Variants in SESTD1 observed in about 807,000 individuals in gnomAD.
SESTD1 encodes SEC14 and spectrin domain containing 1.
SESTD1 carries 43 observed loss-of-function variants against 101.7 expected under a neutral mutation model. The ratio of observed to expected loss-of-function variants is 0.42; its 90% CI spans 0.33 to 0.55. The LOEUF (loss-of-function observed/expected upper bound fraction) is 0.55, where lower values mean the gene tolerates loss of function less well. Ranked by LOEUF, SESTD1 falls within the 20% of genes least tolerant of loss-of-function variation. SESTD1 has a pLI of 0.07. For synonymous variants in SESTD1, 283 were observed against 286.8 expected (o/e 0.99, Z 0.13); for missense variants, 647 against 815.1 (o/e 0.79, Z 2.51).
rs527401956 is a variant in SESTD1, at chr2:179,112,411, C to T, written c.1961+313G>A. On this transcript the variant is annotated intron_variant, in intron 17 of 17. Transcript: ENST00000428443. ...AACATCAATCCCTTGTCCCCTCTTC[C>T]TTTTCCTGAATGAAGCCCCAAGTCA... Among the ~76,000 whole-genome samples the T allele has an allele frequency of 5.9e-5, 9 of 152,290 alleles. No homozygotes were observed. The East Asian group carries it at 1.7e-3, about 30-fold the overall frequency.
At chr2:179,252,384 T>G (rs998056411) in intron 1 of SESTD1, among the ~76,000 whole-genome samples, 3 of 152,236 alleles carry the variant, frequency 2.0e-5, no homozygotes, top group African/African-American at 7.2e-5. Flanking sequence ...ATCTGTGGTA[T>G]TGAGCTTTCA....
chr2:179,115,030 C>T (rs375869406), intron 16 of SESTD1, 35 bp downstream of exon 16: 1 of 1,569,968 alleles, frequency 6.4e-7, no homozygotes, highest in Non-Finnish European at 8.7e-7. Context: ...ATAATCAATA[C>T]CACTGAGAAT....
intron 1 of SESTD1, among the ~76,000 whole-genome samples, chr2:179,213,313 T>C (rs1183132387): frequency 7.4e-6 from 1 of 134,752 alleles, no homozygotes; most frequent in East Asian, 2.0e-4. Flanking sequence ...AGTGACCTGA[T>C]GGAGCTGAAA....
At chr2:179,143,988 A>G (rs1292862712) in intron 8 of SESTD1, among the ~76,000 whole-genome samples, 185 bp from the exon 9 acceptor site, 1 of 152,030 alleles carries the variant, frequency 6.6e-6, no homozygotes, top group Non-Finnish European at 1.5e-5. Flanking sequence ...TAATATATAT[A>G]TGTGTGTATG....
Position 179,234,552 on chromosome 2 carries a change from T to A in SESTD1, c.-26+29947A>T, listed in dbSNP as rs986239316. On this transcript the variant is annotated intron_variant, in intron 1 of 17. Coordinates refer to ENST00000428443, the MANE Select transcript of SESTD1 (RefSeq NM_178123.5). ...CAGCACTTTGTGGGGCTGAGGCGGGTAGATCACTTGGGGTCAGGAGTTTGA... is the reference window on the plus strand; with the variant it reads ...CAGCACTTTGTGGGGCTGAGGCGGGAAGATCACTTGGGGTCAGGAGTTTGA... Among the ~76,000 whole-genome samples, 3 of 151,964 alleles carry A rather than the reference T, an allele frequency of 2.0e-5. No homozygotes were observed. The East Asian group carries it at 5.8e-4, about 29-fold the overall frequency.
chr2:179,146,312 C>G, intron 8 of SESTD1, 90 bp downstream of exon 8: 1 of 1,225,380 alleles, frequency 8.2e-7, no homozygotes, highest in Non-Finnish European at 1.2e-6. Flanking sequence ...CCACATGTAC[C>G]ACATTCATGC....
At chr2:179,196,082 C>G (rs955809371) in intron 1 of SESTD1, among the ~76,000 whole-genome samples, 1 of 152,144 alleles carries the variant, frequency 6.6e-6, no homozygotes, top group Non-Finnish European at 1.5e-5. Context: ...ACAGTGGGCG[C>G]AGGTCAGTGG....
chr2:179,183,232 G>A (rs1267045246), intron 2 of SESTD1, 44 bp from the exon 3 acceptor site: 8 of 1,217,554 alleles, frequency 6.6e-6, no homozygotes, highest in Non-Finnish European at 9.5e-6. Flanking sequence ...TACATATTAA[G>A]GCATAATCTG....
intron 1 of SESTD1, among the ~76,000 whole-genome samples, chr2:179,217,886 A>G (rs1386191454): frequency 6.6e-6 from 1 of 152,156 alleles, no homozygotes; most frequent in Non-Finnish European, 1.5e-5. Flanking sequence ...AAGGACAGAA[A>G]ACCAAACACC....
chr2:179,109,827 GGTGGCTAATGCTGTAGTAT>G lies in SESTD1; in HGVS notation c.*53_*71del, dbSNP rs2044466745. The G allele has an allele frequency of 9.1e-6, 14 of 1,546,610 alleles. No individual in the cohort carries two copies. The highest frequency in any genetic ancestry group is 1.1e-5 in the Non-Finnish European group (13 of 1,142,066). On this transcript the variant is annotated 3_prime_UTR_variant, in exon 18 of 18. Coordinates refer to ENST00000428443, the MANE Select transcript of SESTD1 (RefSeq NM_178123.5). ...GGCTGTGAAATGCATCTTAAGGTGT[GGTGGCTAATGCTGTAGTAT>G]GTTGACAACATGCGGGATTATGAAC...
chr2:179,135,012 A>G (rs2045107264), intron 9 of SESTD1, among the ~76,000 whole-genome samples: 2 of 152,054 alleles, frequency 1.3e-5, no homozygotes, highest in Non-Finnish European at 2.9e-5. Flanking sequence ...TGGCATGATC[A>G]TGGCTCACTG....
At chr2:179,141,644 C>T (rs115420537) in intron 9 of SESTD1, among the ~76,000 whole-genome samples, 6,255 of 151,816 alleles carry the variant, frequency 0.041, 155 homozygotes, top group Middle Eastern at 0.099. Flanking sequence ...ATTGTTGTTG[C>T]GGTTACTGTT....
rs938866409 is a variant in SESTD1, at chr2:179,108,417, G to T, written c.*1482C>A. The T allele has an allele frequency of 4.6e-5, 7 of 152,294 alleles. No homozygotes were observed. The highest frequency in any genetic ancestry group is 1.7e-4 in the African/African-American group (7 of 41,448). 9.4% of individuals were successfully genotyped at this position (152,294 alleles called of 1,614,324 possible). On this transcript the variant is annotated 3_prime_UTR_variant, in exon 18 of 18. Transcript: ENST00000428443. ...ACGGAGAAAAAAACCATTCAGTTTG[G>T]TAACTGGGAGGCCATTGCTGACTTT...
chr2:179,230,113 C>CTTTTTTTTTTTTTTTTTTT lies in SESTD1; in HGVS notation c.-26+34367_-26+34385dup, dbSNP rs71023474. Reference sequence around the variant, plus strand: ...AAATATTCCAAACTGGATTGTATCTCTTTTTTTTTTTTTTTTTTTTTTTTT... The same window carrying CTTTTTTTTTTTTTTTTTTT: ...AAATATTCCAAACTGGATTGTATCTCTTTTTTTTTTTTTTTTTTTTTTTTTTTTTTTTTTTTTTTTTTTT... On this transcript the variant is annotated intron_variant, in intron 1 of 17. Transcript: ENST00000428443. 7.1e-5 allele frequency among the ~76,000 whole-genome samples: 4 copies of CTTTTTTTTTTTTTTTTTTT among 56,420 alleles called. 1 individual carries two copies. The highest frequency in any genetic ancestry group is 2.9e-4 in the Admixed American group (1 of 3,420). 37.0% of individuals were successfully genotyped at this position (56,420 alleles called of 152,430 possible).
chr2:179,232,728 C>T (rs1418672619), intron 1 of SESTD1, among the ~76,000 whole-genome samples: 1 of 152,004 alleles, frequency 6.6e-6, no homozygotes, highest in Non-Finnish European at 1.5e-5. Context: ...ATATAGATAT[C>T]CAGTATATAC....
chr2:179,124,494 T>A lies in SESTD1; in HGVS notation c.1037A>T (p.Glu346Val). 6.2e-7 allele frequency: 1 copy of A among 1,614,074 alleles called. No homozygotes were observed. ...TGACTTTAGTTCCACAAGATCTTCC[T>A]CATCGCCAGCATTCAAGAGTGCTGC... ...QIAALLNAGDEEDLVELKSLQ... is the reference protein window; with the variant it reads ...QIAALLNAGDVEDLVELKSLQ... Residue 346 changes from glutamate (E) to valine (V), a missense_variant, in exon 11 of 18, where the codon GAG becomes GTG. Coordinates refer to ENST00000428443, the MANE Select transcript of SESTD1 (RefSeq NM_178123.5).
chr2:179,195,592 A>G (rs761548252), intron 1 of SESTD1, among the ~76,000 whole-genome samples: 3 of 152,252 alleles, frequency 2.0e-5, no homozygotes, highest in Non-Finnish European at 4.4e-5. Context: ...CCTAGCAAGA[A>G]AGCTAATTGA....
At chr2:179,164,647 CA>C (rs1281152424) in intron 5 of SESTD1, among the ~76,000 whole-genome samples, 1 of 152,008 alleles carries the variant, frequency 6.6e-6, no homozygotes, top group African/African-American at 2.4e-5. Context: ...GAAGGATATA[CA>C]GAGAAATATT....
intron 9 of SESTD1, among the ~76,000 whole-genome samples, chr2:179,142,489 G>C (rs542728622): frequency 2.0e-5 from 3 of 152,126 alleles, no homozygotes; most frequent in African/African-American, 7.2e-5. Context: ...GTGAAGTATC[G>C]TGAATGGTCA....
Sources: gnomAD v4.1 joint callset for allele counts (sites outside exome capture counted in the v4.1 genomes callset) on GRCh38, gnomAD v4.1.1 for gene constraint, MANE v1.5 for transcripts, NCBI Gene and HGNC (gene_info 2026-07-23, HGNC 2026-07-21) for gene names.